The following PTPN3 variants were observed in gnomAD, a reference collection of about 807,000 sequenced individuals.
PTPN3 encodes the protein protein tyrosine phosphatase non-receptor type 3, also known as tyrosine-protein phosphatase non-receptor type 3.
In PTPN3, 96 loss-of-function variants were observed where a neutral mutation model predicts 132.7. That is an observed-to-expected ratio of 0.72 (90% CI 0.61 to 0.86). The LOEUF (loss-of-function observed/expected upper bound fraction) is 0.86. PTPN3 is among the 40% of genes least tolerant of loss of function. The pLI, the probability that PTPN3 is intolerant of heterozygous loss-of-function variation, is 0.00. For synonymous variants in PTPN3, 398 were observed against 429.0 expected, an observed-to-expected ratio of 0.93 and a Z score of 0.89; for missense variants, 1,125 against 1,159.6, an observed-to-expected ratio of 0.97 and a Z score of 0.43.
the PTPN3 span, among the ~76,000 whole-genome samples, chr9:109,537,497 G>T: frequency 2.0e-5 from 3 of 150,140 alleles, no homozygotes; most frequent in South Asian, 6.5e-4. Context: ...CATCCATTCC[G>T]GGTTTCCTTT....
chr9:109,506,797 T>C, the PTPN3 span, among the ~76,000 whole-genome samples: 44 of 152,112 alleles, frequency 2.9e-4, no homozygotes, highest in Admixed American at 1.4e-3. Flanking sequence ...GAGATGGGGT[T>C]TTGCCTTTTT....
chr9:109,459,483 G>A (rs1214999572), intron 2 of PTPN3, among the ~76,000 whole-genome samples: 11 of 152,218 alleles, frequency 7.2e-5, no homozygotes, highest in Non-Finnish European at 1.3e-4. Flanking sequence ...TGGGGTGGCA[G>A]CCACGTGATA....
At chr9:109,480,465 A>G (rs991668981) in intron 1 of PTPN3, among the ~76,000 whole-genome samples, 3 of 152,154 alleles carry the variant, frequency 2.0e-5, no homozygotes, top group Non-Finnish European at 4.4e-5. Context: ...CGCCTGGCCT[A>G]TTCTCTCATT....
the PTPN3 span, among the ~76,000 whole-genome samples, chr9:109,519,960 C>T: frequency 1.7e-4 from 26 of 152,098 alleles, no homozygotes; most frequent in African/African-American, 6.0e-4. Context: ...GAGATCGAGA[C>T]CATCCTGGCT....
intron 4 of PTPN3, among the ~76,000 whole-genome samples, chr9:109,455,884 A>C (rs1845535181): frequency 6.6e-6 from 1 of 152,236 alleles, no homozygotes; most frequent in African/African-American, 2.4e-5. Context: ...GTCTGAGCTC[A>C]GGATACGTTC....
intron 19 of PTPN3, among the ~76,000 whole-genome samples, chr9:109,398,104 T>G (rs1384791007): frequency 1.3e-5 from 2 of 152,074 alleles, no homozygotes; most frequent in Admixed American, 6.6e-5. Context: ...TGAAACCCCA[T>G]CTCTACTTAA....
At chr9:109,528,780 T>TCTC in the PTPN3 span, among the ~76,000 whole-genome samples, 1 of 152,098 alleles carries the variant, frequency 6.6e-6, no homozygotes, top group Non-Finnish European at 1.5e-5. Context: ...TCCTTTTCCT[T>TCTC]CTCCTCCTCC....
intron 25 of PTPN3, among the ~76,000 whole-genome samples, chr9:109,381,376 G>A (rs533601728): frequency 6.6e-5 from 10 of 152,310 alleles, no homozygotes; most frequent in South Asian, 6.2e-4. Flanking sequence ...GGGTCGGTGC[G>A]GGGGAGGATA....
At chr9:109,496,317 C>G (rs1389888857) in intron 1 of PTPN3, among the ~76,000 whole-genome samples, 1 of 152,234 alleles carries the variant, frequency 6.6e-6, no homozygotes, top group Non-Finnish European at 1.5e-5. Flanking sequence ...TAGTCAATCT[C>G]AGAAAAGTTT....
intron 22 of PTPN3, among the ~76,000 whole-genome samples, chr9:109,389,003 A>G (rs1419467347): frequency 6.6e-6 from 1 of 152,178 alleles, no homozygotes; most frequent in Non-Finnish European, 1.5e-5. Context: ...AAGTAAGGCT[A>G]GGGGAAGTGC....
At chr9:109,500,937 A>G (rs1202971401), upstream of PTPN3, among the ~76,000 whole-genome samples, 1 of 152,034 alleles carries the variant, frequency 6.6e-6, no homozygotes, top group African/African-American at 2.4e-5. Context: ...CAAATAAAAA[A>G]AAAAAAAAAA....
Position 109,375,779 on chromosome 9 carries a change from A to T in PTPN3, c.*3777T>A, listed in dbSNP as rs1023374246. 6.6e-6 allele frequency: 1 copy of T among 152,254 alleles called. No individual in the cohort carries two copies. The highest frequency in any genetic ancestry group is 6.5e-5 in the Admixed American group (1 of 15,288). 9.4% of individuals were successfully genotyped at this position (152,254 alleles called of 1,614,324 possible). On this transcript the variant is annotated 3_prime_UTR_variant, in exon 26 of 26. Transcript: ENST00000374541. The stretch of plus-strand genomic sequence containing the variant: ...GACAGAACAGGTCAGAATGAAAAAC[A>T]TTCCAAATATACAGAAAAAAGATTA...
chr9:109,506,228 C>A, the PTPN3 span, among the ~76,000 whole-genome samples: 1 of 152,190 alleles, frequency 6.6e-6, no homozygotes, highest in Non-Finnish European at 1.5e-5. Context: ...CAGAAGCAAG[C>A]TAACCATGTG....
At chr9:109,419,108 G>A (rs1247040133) in intron 14 of PTPN3, among the ~76,000 whole-genome samples, 1 of 152,272 alleles carries the variant, frequency 6.6e-6, no homozygotes, top group Non-Finnish European at 1.5e-5. Context: ...CAGGCTGCAA[G>A]TTGGAACAAG....
intron 19 of PTPN3, among the ~76,000 whole-genome samples, chr9:109,395,234 T>C (rs540769603): frequency 2.0e-5 from 3 of 152,076 alleles, no homozygotes; most frequent in Admixed American, 6.5e-5. Context: ...TTATCTGAAT[T>C]ATGTCAATGA....
chr9:109,384,917 C>G (rs1359773882), intron 22 of PTPN3, among the ~76,000 whole-genome samples: 1 of 152,220 alleles, frequency 6.6e-6, no homozygotes. Flanking sequence ...CATTCTGTGA[C>G]TTTGCTTAGA....
intron 6 of PTPN3, among the ~76,000 whole-genome samples, chr9:109,446,564 A>C (rs1366962515): frequency 6.6e-6 from 1 of 152,146 alleles, no homozygotes; most frequent in Non-Finnish European, 1.5e-5. Context: ...CAGAAACAGG[A>C]TGAGTATCAG....
the PTPN3 span, among the ~76,000 whole-genome samples, chr9:109,509,273 T>A: frequency 6.6e-6 from 1 of 152,232 alleles, no homozygotes; most frequent in Non-Finnish European, 1.5e-5. Flanking sequence ...GCAGTATCAA[T>A]CATGGGAAGC....
At chr9:109,424,033 C>G (rs1235916208) in intron 12 of PTPN3, among the ~76,000 whole-genome samples, 1 of 152,178 alleles carries the variant, frequency 6.6e-6, no homozygotes, top group East Asian at 1.9e-4. Flanking sequence ...TCCTCTGAGG[C>G]AGGCCTACAT....
Sources: gnomAD v4.1 joint callset for allele counts (sites outside exome capture counted in the v4.1 genomes callset) on GRCh38, gnomAD v4.1.1 for gene constraint, MANE v1.5 for transcripts, NCBI Gene and HGNC (gene_info 2026-07-23, HGNC 2026-07-21) for gene names.